The following PDE11A variants were observed in gnomAD, a reference collection of about 807,000 sequenced individuals.
The protein encoded by PDE11A is phosphodiesterase 11A, also known as dual 3',5'-cyclic-AMP and -GMP phosphodiesterase 11A.
A neutral mutation model predicts 100.5 loss-of-function variants in PDE11A; 100 were observed. The observed-to-expected ratio is 1.00, with a 90% CI of 0.85 to 1.18. The LOEUF is 1.18. PDE11A is among the 50% of genes most tolerant of loss of function. PDE11A has a pLI of 0.00. For missense variants in PDE11A, 1,141 were observed against 1,152.6 expected (o/e 0.99, Z 0.15); for synonymous variants, 381 against 420.8 (o/e 0.91, Z 1.16).
chr2:177,851,621 G>A (rs2083707509), intron 5 of PDE11A, among the ~76,000 whole-genome samples: 1 of 152,210 alleles, frequency 6.6e-6, no homozygotes, highest in Non-Finnish European at 1.5e-5. Context: ...GGTGGAAGTG[G>A]TGAATAAGGC....
intron 6 of PDE11A, among the ~76,000 whole-genome samples, chr2:177,821,624 A>G (rs2105588760): frequency 6.6e-6 from 1 of 152,004 alleles, no homozygotes; most frequent in East Asian, 1.9e-4. Context: ...CATCACCAAC[A>G]TTTGATGTTG....
chr2:177,697,116 A>C (rs968678571), intron 15 of PDE11A, among the ~76,000 whole-genome samples: 3 of 152,210 alleles, frequency 2.0e-5, no homozygotes, highest in East Asian at 3.8e-4. Context: ...CAGAAGAAAA[A>C]TAGAAATCTT....
chr2:177,778,612 T>C (rs2082410612), intron 9 of PDE11A, among the ~76,000 whole-genome samples: 1 of 152,188 alleles, frequency 6.6e-6, no homozygotes, highest in Admixed American at 6.5e-5. Context: ...TAAAGAAGCT[T>C]TGCTCTCAGC....
At chr2:177,864,886 C>A (rs1191531310) in intron 5 of PDE11A, among the ~76,000 whole-genome samples, 1 of 152,180 alleles carries the variant, frequency 6.6e-6, no homozygotes, top group Non-Finnish European at 1.5e-5. Context: ...TCATACGGGT[C>A]ATTTTCCAGT....
intron 2 of PDE11A, among the ~76,000 whole-genome samples, chr2:177,967,867 G>T (rs1433984323): frequency 6.6e-6 from 1 of 152,118 alleles, no homozygotes; most frequent in African/African-American, 2.4e-5. Flanking sequence ...TGCCATATTA[G>T]ATGTAAATTC....
At chr2:177,909,704 C>T (rs1471070003) in intron 2 of PDE11A, among the ~76,000 whole-genome samples, 1 of 152,120 alleles carries the variant, frequency 6.6e-6, no homozygotes, top group South Asian at 2.1e-4. Flanking sequence ...TCCAACACCT[C>T]CTTCCTTCTT....
At chr2:177,927,667 C>T (rs1451681930) in intron 2 of PDE11A, among the ~76,000 whole-genome samples, 1 of 152,152 alleles carries the variant, frequency 6.6e-6, no homozygotes, top group South Asian at 2.1e-4. Context: ...TTTAGTAACC[C>T]AATCTTTGCA....
At chr2:177,948,110 T>C (rs13398310) in intron 2 of PDE11A, among the ~76,000 whole-genome samples, 9,513 of 152,186 alleles carry the variant, frequency 0.063, 309 homozygotes, top group South Asian at 0.094. Context: ...TTTCATTTAA[T>C]ATAACATGAA....
rs757470455 is a variant in PDE11A, at chr2:178,071,941, G to C, written c.497C>G (p.Pro166Arg). 2 of 1,614,066 alleles carry C rather than the reference G, an allele frequency of 1.2e-6. No homozygotes were observed. Among genetic ancestry groups the C allele is most frequent in the Admixed American group, 3.3e-5 (2 of 60,014 alleles). Reference protein sequence around the residue: ...ALLRKASSLPPTTAHILSALL... With the variant: ...ALLRKASSLPRTTAHILSALL... ...CGCACTGAGAATATGGGCTGTGGTGGGGGGCAGGGAGCTTGCCTTCCGGAG... is the reference window on the plus strand; with the variant it reads ...CGCACTGAGAATATGGGCTGTGGTGCGGGGCAGGGAGCTTGCCTTCCGGAG... Residue 166 changes from proline (P) to arginine (R), a missense_variant, in exon 1 of 20, where the codon CCC (proline) becomes CGC (arginine). Physicochemically the swap from Pro to Arg is moderately radical, Grantham distance 103 (BLOSUM62 -2). Coordinates refer to ENST00000286063, the MANE Select transcript of PDE11A (RefSeq NM_016953.4).
chr2:177,995,365 G>C (rs573047208), intron 2 of PDE11A, among the ~76,000 whole-genome samples: 1 of 152,270 alleles, frequency 6.6e-6, no homozygotes. Context: ...TAGCCTTTCA[G>C]AACTATTTTC....
chr2:177,796,084 C>T (rs1024309926), intron 9 of PDE11A, among the ~76,000 whole-genome samples: 1 of 150,870 alleles, frequency 6.6e-6, no homozygotes, highest in Non-Finnish European at 1.5e-5. Flanking sequence ...ATTTTAGCTA[C>T]AGTAAGTCTT....
At chr2:177,991,655 A>G (rs924942996) in intron 2 of PDE11A, among the ~76,000 whole-genome samples, 3 of 151,088 alleles carry the variant, frequency 2.0e-5, no homozygotes, top group East Asian at 3.9e-4. Context: ...AATAATAATA[A>G]TAATATACCT....
intron 5 of PDE11A, among the ~76,000 whole-genome samples, chr2:177,842,489 T>C (rs1268153808): frequency 1.3e-5 from 2 of 152,144 alleles, no homozygotes; most frequent in Non-Finnish European, 2.9e-5. Flanking sequence ...AGGCCAAGGC[T>C]CAAAGGTGAG....
intron 7 of PDE11A, 46 bp from the exon 8 acceptor site, chr2:177,817,971 TTGTGTTTCTCTAATAGAG>T: frequency 1.1e-6 from 1 of 892,708 alleles, no homozygotes; most frequent in East Asian, 2.4e-5. Context: ...GTACTGGACA[TTGTGTTTCTCTAATAGAG>T]TAGCCACAGC....
intron 1 of PDE11A, among the ~76,000 whole-genome samples, chr2:178,055,779 C>T (rs1273282352): frequency 1.3e-5 from 2 of 152,062 alleles, no homozygotes; most frequent in African/African-American, 2.4e-5. Flanking sequence ...CCTTTATTCA[C>T]GTTTTTCTAT....
intron 1 of PDE11A, chr2:178,105,745 T>A: frequency 8.9e-7 from 1 of 1,126,998 alleles, no homozygotes; most frequent in South Asian, 2.5e-5. Flanking sequence ...CAATATCACC[T>A]CACAGCTCTG....
intron 17 of PDE11A, among the ~76,000 whole-genome samples, 198 bp from the exon 18 acceptor site, chr2:177,669,765 C>A (rs990251898): frequency 6.6e-6 from 1 of 152,198 alleles, no homozygotes; most frequent in Non-Finnish European, 1.5e-5. Context: ...ATCAGGACAA[C>A]TTGTGCAATG....
At chr2:177,935,370 T>G (rs34678364) in intron 2 of PDE11A, among the ~76,000 whole-genome samples, 13,160 of 152,242 alleles carry the variant, frequency 0.086, 538 homozygotes, top group South Asian at 0.1. Context: ...TTTGCAAAGG[T>G]CCAGAAAACA....
At chr2:177,944,067 GA>G (rs1456039015) in intron 2 of PDE11A, among the ~76,000 whole-genome samples, 1 of 152,058 alleles carries the variant, frequency 6.6e-6, no homozygotes, top group South Asian at 2.1e-4. Context: ...CAAACGTTCT[GA>G]AAAAAATGAT....
Sources: allele counts gnomAD v4.1 joint callset (sites outside exome capture counted in the v4.1 genomes callset), GRCh38; gene constraint gnomAD v4.1.1; transcripts MANE v1.5; gene names NCBI Gene and HGNC (gene_info 2026-07-23, HGNC 2026-07-21).